The following CLPB variants were observed in gnomAD, a reference collection of about 807,000 sequenced individuals.
CLPB encodes the protein ClpB family mitochondrial disaggregase.
A neutral mutation model predicts 78.4 loss-of-function variants in CLPB; 40 were observed. That is an observed-to-expected ratio of 0.51 (90% CI 0.40 to 0.66). The LOEUF (loss-of-function observed/expected upper bound fraction) is 0.66, where lower values mean the gene tolerates loss of function less well. CLPB is among the 30% of genes least tolerant of loss of function. The pLI is 0.00. For synonymous variants in CLPB, 333 were observed against 348.0 expected (o/e 0.96, Z 0.48); for missense variants, 780 against 886.9 (o/e 0.88, Z 1.53).
intron 5 of CLPB, among the ~76,000 whole-genome samples, chr11:72,349,732 C>T (rs1374963124): frequency 6.6e-6 from 1 of 152,220 alleles, no homozygotes; most frequent in Admixed American, 6.5e-5. Flanking sequence ...TGCATTCTGC[C>T]CAACAGCACA....
In CLPB at chr11:72,329,814, G is replaced by T. The variant is rs141271919; in HGVS notation, c.776-10C>A. ...TGCAGGGGGTTGGCTCCTGGCAAGA[G>T]AAGAAGGATAAACAGAGGCTCTATG... On this transcript the variant is annotated splice_polypyrimidine_tract_variant and intron_variant, in intron 5 of 15. Transcript: ENST00000538039. 1.9e-6 allele frequency: 3 copies of T among 1,605,508 alleles called. No individual in the cohort carries two copies. Among genetic ancestry groups the T allele is most frequent in the Admixed American group, 3.3e-5 (2 of 59,900 alleles).
At chr11:72,394,009 T>C (rs570397398) in intron 3 of CLPB, among the ~76,000 whole-genome samples, 1 of 152,304 alleles carries the variant, frequency 6.6e-6, no homozygotes, top group East Asian at 1.9e-4. Context: ...CAGAGCCCCA[T>C]TGCTCACCAC....
chr11:72,354,679 A>T lies in CLPB; in HGVS notation c.775+4201T>A, dbSNP rs1471478778. The T allele has an allele frequency of 1.2e-5, 3 of 246,894 alleles. No homozygotes were observed. The East Asian group carries it at 2.2e-4, about 18-fold the overall frequency. The allele number at this position is 246,894 out of a possible 1,614,324, so 15.3% of individuals were successfully genotyped here. On this transcript the variant is annotated intron_variant, in intron 5 of 15. Coordinates refer to ENST00000538039, the MANE Select transcript of CLPB (RefSeq NM_001258392.3). The stretch of plus-strand genomic sequence containing the variant: ...CTGATAAGCCATCAACACAGGCAAA[A>T]GCAGCATCTTCCAAGGTAAAAAACA...
At chr11:72,299,838 A>C (rs936066901) in intron 11 of CLPB, among the ~76,000 whole-genome samples, 5 of 152,182 alleles carry the variant, frequency 3.3e-5, no homozygotes, top group African/African-American at 1.2e-4. Flanking sequence ...AGCTGCAGGA[A>C]GGAATTCCTA....
At position 72,312,494 on chromosome 11, in the gene CLPB, TCCTGGGTGC is replaced by T. The variant is rs1358435521; in HGVS notation, c.989-3899_989-3891del. 1.3e-5 allele frequency among the ~76,000 whole-genome samples: 2 copies of T among 152,196 alleles called. No individual in the cohort carries two copies. Among genetic ancestry groups the T allele is most frequent in the African/African-American group, 4.8e-5 (2 of 41,458 alleles). ...ATTCCATGGGAGCAGGTGCTGGGTG[TCCTGGGTGC>T]CCTATTTTCTGAGGACCCCTGAGAC... On this transcript the variant is annotated intron_variant, in intron 7 of 15. Coordinates refer to ENST00000538039, the MANE Select transcript of CLPB (RefSeq NM_001258392.3). The surrounding 1 kb of genome is among the most constrained non-coding windows in gnomAD (Gnocchi z 4.2).
At chr11:72,433,540 G>GAAAT (rs563884899) in intron 1 of CLPB, among the ~76,000 whole-genome samples, 9,085 of 138,598 alleles carry the variant, frequency 0.066, 359 homozygotes, top group South Asian at 0.087. Flanking sequence ...CTCCATCTCA[G>GAAAT]AAATAAATAA....
At position 72,288,279 on chromosome 11, in the gene CLPB, G is replaced by A. The variant is rs1369667599; in HGVS notation, c.*5088C>T. On this transcript the variant is annotated 3_prime_UTR_variant, in exon 16 of 16. Coordinates refer to ENST00000538039, the MANE Select transcript of CLPB (RefSeq NM_001258392.3). ...AAGGTGGGTGGATCACTTGAGACCA[G>A]GAGTTTGAGACTAGCCTGGCAAACA... 1 of 152,158 alleles carries A rather than the reference G, an allele frequency of 6.6e-6. No homozygotes were observed. Among genetic ancestry groups the A allele is most frequent in the Non-Finnish European group, 1.5e-5 (1 of 68,054 alleles). 9.4% of individuals were successfully genotyped at this position (152,158 alleles called of 1,614,324 possible). A position where few individuals can be genotyped will look rare whatever the true frequency, so the allele number is the denominator to read the frequency against.
intron 3 of CLPB, among the ~76,000 whole-genome samples, chr11:72,401,522 G>A (rs1046339104): frequency 3.3e-5 from 5 of 152,136 alleles, no homozygotes; most frequent in Admixed American, 6.6e-5. Context: ...TCAGGAAACC[G>A]AGTGACTAAG....
chr11:72,380,238 A>G (rs1413680590), intron 4 of CLPB, 43 bp downstream of exon 4: 2 of 1,453,910 alleles, frequency 1.4e-6, no homozygotes, highest in African/African-American at 1.4e-5. Context: ...CATGAAAGCC[A>G]CAAGAGGAGA....
At chr11:72,365,078 G>A (rs1296923186) in intron 4 of CLPB, among the ~76,000 whole-genome samples, 1 of 152,142 alleles carries the variant, frequency 6.6e-6, no homozygotes, top group African/African-American at 2.4e-5. Flanking sequence ...CCAGCACTCT[G>A]TGAGTGTGAA....
intron 5 of CLPB, among the ~76,000 whole-genome samples, chr11:72,340,156 C>A (rs1188953802): frequency 6.6e-6 from 1 of 152,176 alleles, no homozygotes; most frequent in African/African-American, 2.4e-5. Context: ...CTGCCGTTAC[C>A]TTATTGCACT....
chr11:72,420,106 G>A lies in CLPB; in HGVS notation c.455+10206C>T, dbSNP rs1341018210. Among the ~76,000 whole-genome samples the A allele has an allele frequency of 2.0e-5, 3 of 152,188 alleles. No homozygotes were observed. In the East Asian group the frequency reaches 5.8e-4, roughly 29 times the overall value. Reference sequence around the variant, plus strand: ...CACACCTGTAATCCCAGCACTTTGGGAGACCAAGGCAGGACTGCTTGAGCC... The same window carrying A: ...CACACCTGTAATCCCAGCACTTTGGAAGACCAAGGCAGGACTGCTTGAGCC... On this transcript the variant is annotated intron_variant, in intron 2 of 15. Transcript: ENST00000538039.
chr11:72,344,811 A>G (rs1950482303), intron 5 of CLPB, among the ~76,000 whole-genome samples: 1 of 152,204 alleles, frequency 6.6e-6, no homozygotes, highest in African/African-American at 2.4e-5. Flanking sequence ...CTTAACATAA[A>G]CAGAAATTTT....
chr11:72,366,038 A>C (rs1950935535), intron 4 of CLPB, among the ~76,000 whole-genome samples: 1 of 152,250 alleles, frequency 6.6e-6, no homozygotes, highest in African/African-American at 2.4e-5. Context: ...CAACTATGAC[A>C]AAAACAAAAA....
intron 2 of CLPB, among the ~76,000 whole-genome samples, chr11:72,429,492 T>G (rs1247499735): frequency 2.0e-5 from 3 of 152,218 alleles, no homozygotes; most frequent in African/African-American, 7.2e-5. Context: ...AACACCTGAC[T>G]TCCTGTCTAA....
chr11:72,413,290 G>GA (rs961493856), intron 2 of CLPB, among the ~76,000 whole-genome samples: 56 of 141,552 alleles, frequency 4.0e-4, no homozygotes, highest in East Asian at 3.2e-3. Flanking sequence ...AATCCGTCTC[G>GA]AAAAAAAAAA....
At chr11:72,416,103 C>G (rs76324022) in intron 2 of CLPB, among the ~76,000 whole-genome samples, 6,170 of 152,306 alleles carry the variant, frequency 0.041, 189 homozygotes, top group Middle Eastern at 0.071. Context: ...GACAGCCCAT[C>G]ATGTGCCAAG....
intron 9 of CLPB, chr11:72,302,641 C>A: frequency 2.7e-6 from 1 of 372,972 alleles, no homozygotes; most frequent in Non-Finnish European, 5.1e-6. Flanking sequence ...ATCACCACAT[C>A]ATCCACCCAC....
chr11:72,396,300 G>C (rs1214688369), intron 3 of CLPB, among the ~76,000 whole-genome samples: 1 of 152,160 alleles, frequency 6.6e-6, no homozygotes, highest in Non-Finnish European at 1.5e-5. Flanking sequence ...AGGAGGGAGG[G>C]AGACTCTTGT....
Sources: allele counts gnomAD v4.1 joint callset (sites outside exome capture counted in the v4.1 genomes callset), GRCh38; gene constraint gnomAD v4.1.1; non-coding constraint Gnocchi (gnomAD v3.1); transcripts MANE v1.5; gene names NCBI Gene and HGNC (gene_info 2026-07-23, HGNC 2026-07-21).